FER: variants seen among roughly 807,000 people sequenced by gnomAD.
FER encodes FER tyrosine kinase, also known as tyrosine-protein kinase Fer.
Under a neutral mutation model 111.0 loss-of-function variants are expected in FER, and 63 were observed. The observed-to-expected ratio is 0.57, with a 90% CI of 0.46 to 0.70. The LOEUF is 0.70. Among genes scored for constraint, FER ranks in the 30% least tolerant of loss-of-function variants. The pLI is 0.00. For missense variants in FER, 914 were observed against 954.0 expected (o/e 0.96, Z 0.55); for synonymous variants, 327 against 313.9 (o/e 1.04, Z -0.44).
At chr5:108,853,288 T>C (rs1467255059) in intron 5 of FER, among the ~76,000 whole-genome samples, 2 of 152,210 alleles carry the variant, frequency 1.3e-5, no homozygotes, top group Non-Finnish European at 2.9e-5. Flanking sequence ...TTGCTATATG[T>C]TAGTCACTGC....
chr5:108,785,902 T>G (rs1754667909), intron 2 of FER, among the ~76,000 whole-genome samples: 1 of 152,254 alleles, frequency 6.6e-6, no homozygotes, highest in South Asian at 2.1e-4. Flanking sequence ...TTTGCCTTCT[T>G]CTTTCCACCT....
chr5:108,768,023 A>T (rs1455268370), intron 1 of FER, 70 bp from the exon 2 acceptor site: 2 of 152,210 alleles, frequency 1.3e-5, no homozygotes, highest in Non-Finnish European at 2.9e-5. Flanking sequence ...AGCCAAGTAT[A>T]CTGAAAGTGT....
chr5:108,843,051 T>C (rs1761438369), intron 5 of FER: 1 of 152,186 alleles, frequency 6.6e-6, no homozygotes, highest in Non-Finnish European at 1.5e-5. Context: ...TATAAGAGTG[T>C]ATACAGAGTG....
At chr5:108,924,659 A>C in intron 10 of FER, 1 of 1,231,958 alleles carries the variant, frequency 8.1e-7, no homozygotes, top group Non-Finnish European at 1.0e-6. Flanking sequence ...CTAAATTTTG[A>C]GATGGAGCAG....
intron 13 of FER, among the ~76,000 whole-genome samples, chr5:108,996,870 G>A (rs115068552): frequency 0.058 from 8,890 of 152,156 alleles, 402 homozygotes; most frequent in South Asian, 0.12. Context: ...CCCTTTTCAC[G>A]ATATTGATTC....
chr5:108,865,548 C>T (rs1470413716), intron 5 of FER, among the ~76,000 whole-genome samples: 1 of 152,034 alleles, frequency 6.6e-6, no homozygotes, highest in Non-Finnish European at 1.5e-5. Flanking sequence ...TCTAAAACAC[C>T]AAAAGCAATG....
chr5:108,842,467 G>T (rs1454443508), intron 5 of FER: 1 of 151,916 alleles, frequency 6.6e-6, no homozygotes, highest in Non-Finnish European at 1.5e-5. Context: ...AAACAGAGTG[G>T]GAGGAAATCT....
intron 16 of FER, among the ~76,000 whole-genome samples, chr5:109,089,855 G>A (rs1777967419): frequency 6.6e-6 from 1 of 152,158 alleles, no homozygotes; most frequent in Non-Finnish European, 1.5e-5. Context: ...AAACACTGAT[G>A]AAACAAGCAT....
intron 17 of FER, among the ~76,000 whole-genome samples, chr5:109,123,954 G>T (rs917421860): frequency 6.6e-6 from 1 of 152,124 alleles, no homozygotes; most frequent in Non-Finnish European, 1.5e-5. Context: ...AAAGAGCATG[G>T]CGCAGTGGCT....
rs980004516 is a variant in FER, at chr5:109,193,925, A to G, written c.*6350A>G. On this transcript the variant is annotated 3_prime_UTR_variant, in exon 20 of 20. Transcript: ENST00000281092. ...CATGATGGATGCAGGTTAGAATTCA[A>G]AGACCTGGTTGGAGTCCTAGATGTG... 3 of 152,224 alleles carry G rather than the reference A, an allele frequency of 2.0e-5. No homozygotes were observed. The highest frequency in any genetic ancestry group is 4.4e-5 in the Non-Finnish European group (3 of 68,054). The allele number at this position is 152,224 out of a possible 1,614,324, so 9.4% of individuals were successfully genotyped here. A position where few individuals can be genotyped will look rare whatever the true frequency, so the allele number is the denominator to read the frequency against.
At position 108,967,038 on chromosome 5, in the gene FER, A is replaced by G. The variant is rs138535799; in HGVS notation, c.1656+7691A>G. On this transcript the variant is annotated intron_variant, in intron 13 of 19. Coordinates refer to ENST00000281092, the MANE Select transcript of FER (RefSeq NM_005246.4). Reference sequence around the variant, plus strand: ...TTCTCAGTCACTTTGTAAGCCACGGACCTTCAGCCAGTGATGCCCCCACCT... The same window carrying G: ...TTCTCAGTCACTTTGTAAGCCACGGGCCTTCAGCCAGTGATGCCCCCACCT... Among the ~76,000 whole-genome samples, 620 of 152,218 alleles carry G rather than the reference A, an allele frequency of 4.1e-3. 3 individuals are homozygous for G. The highest frequency in any genetic ancestry group is 6.8e-3 in the Middle Eastern group (2 of 294).
intron 17 of FER, 123 bp from the exon 18 acceptor site, chr5:109,180,624 A>G: frequency 9.3e-7 from 1 of 1,079,420 alleles, no homozygotes; most frequent in South Asian, 1.8e-5. Flanking sequence ...GTAAATCACA[A>G]GCATTCTTAA....
intron 1 of FER, among the ~76,000 whole-genome samples, chr5:108,749,178 C>G (rs916781039): frequency 6.6e-6 from 1 of 152,022 alleles, no homozygotes; most frequent in Non-Finnish European, 1.5e-5. Context: ...CAGCCAGCGC[C>G]CCCCCCAACC....
At chr5:108,833,290 G>A (rs1760239896) in intron 4 of FER, among the ~76,000 whole-genome samples, 1 of 152,072 alleles carries the variant, frequency 6.6e-6, no homozygotes, top group Admixed American at 6.5e-5. Context: ...AGAAAATACA[G>A]GCAGAATTAC....
At chr5:109,055,441 A>G (rs1240684554) in intron 16 of FER, among the ~76,000 whole-genome samples, 14 of 152,206 alleles carry the variant, frequency 9.2e-5, no homozygotes, top group Non-Finnish European at 2.9e-5. Context: ...TCCAAAATGT[A>G]TAAAGAACTC....
chr5:109,086,463 C>G (rs559330941), intron 16 of FER, among the ~76,000 whole-genome samples: 312 of 151,548 alleles, frequency 2.1e-3, no homozygotes, highest in African/African-American at 7.2e-3. Context: ...AGGTGTTTAT[C>G]CATTTTATTT....
intron 17 of FER, among the ~76,000 whole-genome samples, chr5:109,137,691 T>A (rs1055539910): frequency 6.6e-6 from 1 of 152,028 alleles, no homozygotes; most frequent in African/African-American, 2.4e-5. Context: ...GATAGGCGGG[T>A]TGGTGTTAGT....
At chr5:108,951,674 A>G (rs1399098134) in intron 11 of FER, among the ~76,000 whole-genome samples, 2 of 152,214 alleles carry the variant, frequency 1.3e-5, no homozygotes, top group African/African-American at 4.8e-5. Flanking sequence ...AGGTTGTTCA[A>G]GCTCAGTAAG....
intron 4 of FER, among the ~76,000 whole-genome samples, chr5:108,834,392 A>G (rs1421952322): frequency 6.6e-6 from 1 of 152,104 alleles, no homozygotes; most frequent in Non-Finnish European, 1.5e-5. Flanking sequence ...TGTCAACCTG[A>G]TCAATCTATT....
Sources: gnomAD v4.1 joint callset for allele counts (sites outside exome capture counted in the v4.1 genomes callset) on GRCh38, gnomAD v4.1.1 for gene constraint, MANE v1.5 for transcripts, NCBI Gene and HGNC (gene_info 2026-07-23, HGNC 2026-07-21) for gene names.